The following PCSK5 variants were observed in gnomAD, a reference collection of about 807,000 sequenced individuals.
PCSK5 encodes proprotein convertase subtilisin/kexin type 5, also known as prohormone convertase 5.
Under a neutral mutation model 233.2 loss-of-function variants are expected in PCSK5, and 129 were observed. The ratio of observed to expected loss-of-function variants is 0.55; its 90% CI spans 0.48 to 0.64. The LOEUF is 0.64. PCSK5 is among the 30% of genes least tolerant of loss of function. The pLI is 0.00. For synonymous variants in PCSK5, 825 were observed against 879.2 expected (o/e 0.94, Z 1.09); for missense variants, 2,076 against 2,430.1 (o/e 0.85, Z 3.06).
rs376884922 is a variant in PCSK5 at position 76,064,177 on chromosome 9, C to T, written c.633-3778C>T. ...CTCCCGGACGGGGCGGCTGGCCAGG[C>T]GGGGGGCTGACCCCCCCACCTCCCT... On this transcript the variant is annotated intron_variant, in intron 5 of 37. Transcript: ENST00000674117. Among the ~76,000 whole-genome samples the T allele has an allele frequency of 5.1e-3, 580 of 113,162 alleles. 2 individuals are homozygous for T. The highest frequency in any genetic ancestry group is 0.017 in the African/African-American group (368 of 21,320). The allele number at this position is 113,162 out of a possible 152,430, so 74.2% of individuals were successfully genotyped here. A position where few individuals can be genotyped will look rare whatever the true frequency, so the allele number is the denominator to read the frequency against.
intron 28 of PCSK5, among the ~76,000 whole-genome samples, chr9:76,303,940 G>A (rs753732378): frequency 6.6e-6 from 1 of 152,214 alleles, no homozygotes; most frequent in Non-Finnish European, 1.5e-5. Flanking sequence ...GGGAGACCAA[G>A]GCGGGTGGAC....
chr9:76,157,102 A>G lies in PCSK5; in HGVS notation c.1370A>G (p.Glu457Gly), dbSNP rs1425209410. The change falls in exon 11 of 38, where the codon GAG becomes GGG. Residue 457 changes from glutamate to glycine, a missense_variant. Physicochemically the swap from Glu to Gly is moderately conservative, Grantham distance 98. Transcript: ENST00000674117. ...MDAEAMVMEA[E>G]KWTTVPRQHV... The stretch of plus-strand genomic sequence containing the variant: ...GCAGAAGCCATGGTGATGGAGGCAG[A>G]GAAGTGGACCACCGTTCCCCGGCAG... The G allele has an allele frequency of 3.7e-6, 6 of 1,613,976 alleles. No homozygotes were observed. The highest frequency in any genetic ancestry group is 5.1e-6 in the Non-Finnish European group (6 of 1,179,954).
chr9:76,036,648 G>C (rs1209860209), intron 5 of PCSK5, among the ~76,000 whole-genome samples: 3 of 152,170 alleles, frequency 2.0e-5, no homozygotes. Context: ...AATAAAATTA[G>C]TACATCTGCA....
intron 33 of PCSK5, among the ~76,000 whole-genome samples, chr9:76,331,457 G>A (rs1829532469): frequency 6.6e-6 from 1 of 152,090 alleles, no homozygotes. Context: ...CACAAGGTCA[G>A]GAGATCGAGA....
intron 24 of PCSK5, among the ~76,000 whole-genome samples, chr9:76,256,377 T>G (rs915467428): frequency 1.1e-4 from 16 of 152,224 alleles, no homozygotes; most frequent in African/African-American, 3.9e-4. Flanking sequence ...CAGAGAGAAC[T>G]GAGCCAAGTA....
chr9:75,951,651 TCAGACCTCCTTATCCA>T (rs1448224738), intron 2 of PCSK5, among the ~76,000 whole-genome samples: 1 of 152,136 alleles, frequency 6.6e-6, no homozygotes, highest in Non-Finnish European at 1.5e-5. Flanking sequence ...ATACATACAA[TCAGACCTCCTTATCCA>T]CAGATTCCCA....
At chr9:76,281,291 G>A (rs933153647) in intron 24 of PCSK5, among the ~76,000 whole-genome samples, 1 of 152,218 alleles carries the variant, frequency 6.6e-6, no homozygotes, top group Non-Finnish European at 1.5e-5. Context: ...TCAAAGGACA[G>A]GCTGACTCTC....
chr9:76,196,356 C>G (rs1003596819), intron 20 of PCSK5, among the ~76,000 whole-genome samples: 1 of 152,164 alleles, frequency 6.6e-6, no homozygotes, highest in Non-Finnish European at 1.5e-5. Flanking sequence ...TGACATCTTG[C>G]GTAAAGTCGG....
chr9:75,938,501 A>G (rs1261157836), intron 2 of PCSK5, among the ~76,000 whole-genome samples: 2 of 152,244 alleles, frequency 1.3e-5, no homozygotes, highest in Non-Finnish European at 2.9e-5. Flanking sequence ...AATAATTACC[A>G]AAATGTGACC....
At chr9:76,055,972 A>G (rs993793258) in intron 5 of PCSK5, among the ~76,000 whole-genome samples, 4 of 152,174 alleles carry the variant, frequency 2.6e-5, no homozygotes, top group African/African-American at 7.2e-5. Flanking sequence ...GTTGGAGAAC[A>G]TATCCCTATT....
intron 3 of PCSK5, among the ~76,000 whole-genome samples, chr9:76,009,738 T>C (rs756069778): frequency 6.6e-6 from 1 of 152,010 alleles, no homozygotes; most frequent in African/African-American, 2.4e-5. Context: ...ATAAGTGCAG[T>C]GAAAGCTAGA....
At chr9:75,908,026 T>C (rs1465550042) in intron 1 of PCSK5, among the ~76,000 whole-genome samples, 1 of 152,206 alleles carries the variant, frequency 6.6e-6, no homozygotes, top group African/African-American at 2.4e-5. Context: ...TTGCAGACTC[T>C]AGAACAAACA....
intron 2 of PCSK5, among the ~76,000 whole-genome samples, chr9:75,973,662 C>G (rs1825894798): frequency 6.6e-6 from 1 of 152,204 alleles, no homozygotes. Context: ...CTTTTCTTCA[C>G]TCTGATACTG....
rs1050223666 is a variant in PCSK5, at chr9:76,231,473, C to T, written c.2730-1987C>T. 1.6e-4 allele frequency among the ~76,000 whole-genome samples: 25 copies of T among 152,320 alleles called. No individual in the cohort carries two copies. In the East Asian group the frequency reaches 4.8e-3, roughly 29 times the overall value. ...GATGATGTACTTCACATCCCTTTCT[C>T]AATTGATTTTAGCAAGAAAATAAAT... On this transcript the variant is annotated intron_variant, in intron 21 of 37. Transcript: ENST00000674117.
chr9:75,951,063 G>A (rs1824834529), intron 2 of PCSK5, among the ~76,000 whole-genome samples: 1 of 152,174 alleles, frequency 6.6e-6, no homozygotes, highest in African/African-American at 2.4e-5. Flanking sequence ...CACCCGGTAG[G>A]CAGAAGTCTT....
intron 5 of PCSK5, among the ~76,000 whole-genome samples, chr9:76,039,126 T>G (rs1260341522): frequency 6.6e-6 from 1 of 152,258 alleles, no homozygotes; most frequent in African/African-American, 2.4e-5. Context: ...GTATATTTCA[T>G]GTTTTCAGAT....
intron 5 of PCSK5, among the ~76,000 whole-genome samples, chr9:76,045,072 A>G (rs1829318495): frequency 6.6e-6 from 1 of 152,232 alleles, no homozygotes; most frequent in African/African-American, 2.4e-5. Context: ...GAGGAACATG[A>G]TAATACATTT....
At chr9:75,932,581 G>A (rs995954008) in intron 2 of PCSK5, 98 bp downstream of exon 2, 4 of 744,728 alleles carry the variant, frequency 5.4e-6, no homozygotes, top group African/African-American at 3.5e-5. Flanking sequence ...TGAAGGCTCA[G>A]ATTTCTAGAA....
intron 3 of PCSK5, among the ~76,000 whole-genome samples, chr9:76,009,581 C>T (rs1239877341): frequency 3.1e-4 from 47 of 149,296 alleles, no homozygotes; most frequent in African/African-American, 1.1e-3. Context: ...GAGCCGAGAT[C>T]ACACCACTGC....
Sources: gnomAD v4.1 joint callset for allele counts (sites outside exome capture counted in the v4.1 genomes callset) on GRCh38, gnomAD v4.1.1 for gene constraint, MANE v1.5 for transcripts, NCBI Gene and HGNC (gene_info 2026-07-23, HGNC 2026-07-21) for gene names.